APPL1: variants seen among roughly 807,000 people sequenced by gnomAD.
APPL1 encodes DCC-interacting protein 13-alpha.
Under a neutral mutation model 106.8 loss-of-function variants are expected in APPL1, and 42 were observed. That is an observed-to-expected ratio of 0.39 (90% CI 0.31 to 0.51). APPL1 has a LOEUF of 0.51. APPL1 is among the 20% of genes least tolerant of loss of function. APPL1 has a pLI of 0.75. For missense variants in APPL1, 769 were observed against 858.2 expected, an observed-to-expected ratio of 0.90 and a Z score of 1.30; for synonymous variants, 263 against 281.8, an observed-to-expected ratio of 0.93 and a Z score of 0.67.
chr3:57,233,567 T>C (rs574012760), intron 1 of APPL1, among the ~76,000 whole-genome samples: 2 of 152,180 alleles, frequency 1.3e-5, no homozygotes, highest in Non-Finnish European at 2.9e-5. Flanking sequence ...CCTGATGCTT[T>C]CTTTTTTACA....
At chr3:57,247,129 A>G (rs1249846743) in intron 8 of APPL1, among the ~76,000 whole-genome samples, 1 of 152,218 alleles carries the variant, frequency 6.6e-6, no homozygotes. Context: ...TTATTTTCCA[A>G]TTTTAAAAGA....
intron 19 of APPL1, among the ~76,000 whole-genome samples, chr3:57,267,119 A>T (rs143004327): frequency 1.9e-3 from 297 of 152,314 alleles, no homozygotes; most frequent in African/African-American, 6.8e-3. Context: ...TATTTTAACT[A>T]TATTATTCTG....
chr3:57,236,710 C>A (rs1010342402), intron 2 of APPL1, among the ~76,000 whole-genome samples: 2 of 152,148 alleles, frequency 1.3e-5, no homozygotes. Context: ...TTAGATGTAC[C>A]TCTGGAGTAC....
intron 1 of APPL1, among the ~76,000 whole-genome samples, chr3:57,230,405 A>C (rs1029215252): frequency 5.3e-5 from 8 of 152,250 alleles, no homozygotes; most frequent in Non-Finnish European, 1.0e-4. Context: ...GTTACCCAGC[A>C]AAACCTTATT....
At position 57,237,538 on chromosome 3, in the gene APPL1, A is replaced by C. The variant is rs141978531; in HGVS notation, c.200A>C (p.Glu67Ala). 5.0e-6 allele frequency: 8 copies of C among 1,598,680 alleles called. No individual in the cohort carries two copies. Among genetic ancestry groups the C allele is most frequent in the African/African-American group, 1.3e-5 (1 of 74,602 alleles). The stretch of plus-strand genomic sequence containing the variant: ...CACCTGACCTCAAAACTTTTAAAAG[A>C]ATATGAAAAACAGGTATTGTATATC... ...ATHLTSKLLK[E>A]YEKQRFPLGG... Residue 67 changes from glutamate to alanine, a missense_variant, in exon 3 of 22, where the codon GAA becomes GCA. Transcript: ENST00000288266.
At chr3:57,241,722 C>G (rs1579385669) in intron 5 of APPL1, among the ~76,000 whole-genome samples, 1 of 152,112 alleles carries the variant, frequency 6.6e-6, no homozygotes. Flanking sequence ...TGTAAGGGGA[C>G]TGAATGGCAT....
chr3:57,261,173 A>G (rs917414022), intron 19 of APPL1, among the ~76,000 whole-genome samples: 4 of 151,858 alleles, frequency 2.6e-5, no homozygotes, highest in African/African-American at 7.3e-5. Context: ...CACGTGATCA[A>G]TTTTTTGGCT....
At chr3:57,232,630 T>C (rs2060692997) in intron 1 of APPL1, among the ~76,000 whole-genome samples, 1 of 152,174 alleles carries the variant, frequency 6.6e-6, no homozygotes, top group Non-Finnish European at 1.5e-5. Context: ...GGAGTACTTC[T>C]AAGAAATACT....
chr3:57,230,418 C>A (rs987905233), intron 1 of APPL1, among the ~76,000 whole-genome samples: 1 of 152,052 alleles, frequency 6.6e-6, no homozygotes, highest in African/African-American at 2.4e-5. Context: ...ACCTTATTAA[C>A]AGTTTGCTTT....
At chr3:57,253,539 C>G (rs903354619) in intron 12 of APPL1, 143 bp from the exon 13 acceptor site, 1 of 490,978 alleles carries the variant, frequency 2.0e-6, no homozygotes, top group Admixed American at 5.1e-5. Flanking sequence ...AATGAAACAT[C>G]TGTTATGAAA....
rs2060659203 is a variant in APPL1, at chr3:57,227,786, C to A, written c.-98C>A. ...CGGGCGGGGACGGCTGCAGCCCTTG[C>A]CGGAGAGGGCGGGCCGGGGTCAGCT... On this transcript the variant is annotated 5_prime_UTR_variant, in exon 1 of 22. Transcript: ENST00000288266. The A allele has an allele frequency of 6.3e-6, 7 of 1,104,386 alleles. No homozygotes were observed. Among genetic ancestry groups the A allele is most frequent in the Non-Finnish European group, 7.2e-6 (6 of 830,566 alleles). 68.4% of individuals were successfully genotyped at this position (1,104,386 alleles called of 1,614,324 possible).
At chr3:57,247,651 C>T (rs2060782107) in intron 9 of APPL1, among the ~76,000 whole-genome samples, 174 bp downstream of exon 9, 1 of 151,948 alleles carries the variant, frequency 6.6e-6, no homozygotes, top group African/African-American at 2.4e-5. Context: ...CTTTTTTCCA[C>T]AGATTGTGAA....
chr3:57,240,454 T>C lies in APPL1; in HGVS notation c.286-11T>C, dbSNP rs942133966. 5.6e-6 allele frequency: 9 copies of C among 1,612,894 alleles called. No individual in the cohort carries two copies. The East Asian group carries it at 1.8e-4, about 32-fold the overall frequency. On this transcript the variant is annotated splice_polypyrimidine_tract_variant and intron_variant, in intron 4 of 21. Coordinates refer to ENST00000288266, the MANE Select transcript of APPL1 (RefSeq NM_012096.3). The stretch of plus-strand genomic sequence containing the variant: ...ATAGTTATTTGGCCTTTTTGGTCTT[T>C]CTTTTTCTAGCTTAGCTCTTGTCAT...
chr3:57,270,522 A>C lies in APPL1; in HGVS notation c.*835A>C, dbSNP rs9830276. ...TAAAGATACTGCTATGGAATGATAC[A>C]TTGTATTTTCTGCATTGTGTGAAAT... On this transcript the variant is annotated 3_prime_UTR_variant, in exon 22 of 22. Transcript: ENST00000288266. 6.6e-6 allele frequency: 1 copy of C among 152,624 alleles called. No individual in the cohort carries two copies. The highest frequency in any genetic ancestry group is 1.5e-5 in the Non-Finnish European group (1 of 68,026). 9.5% of individuals were successfully genotyped at this position (152,624 alleles called of 1,614,324 possible). A position where few individuals can be genotyped will look rare whatever the true frequency, so the allele number is the denominator to read the frequency against.
intron 19 of APPL1, among the ~76,000 whole-genome samples, chr3:57,264,582 T>A (rs376631428): frequency 3.3e-5 from 5 of 149,956 alleles, no homozygotes; most frequent in Non-Finnish European, 5.9e-5. Flanking sequence ...ATAAAAAAAA[T>A]AAAAAAAAAT....
chr3:57,242,891 T>C lies in APPL1; in HGVS notation c.451T>C (p.Ser151Pro), dbSNP rs1288678230. ...DAAINRYSRL[S>P]KKRENDKVKY... ...TGCGATTAATAGATATAGCCGTTTATCAAAAAAAAGAGAAAATGACAAGGT... is the reference window on the plus strand; with the variant it reads ...TGCGATTAATAGATATAGCCGTTTACCAAAAAAAAGAGAAAATGACAAGGT... Residue 151 changes from serine to proline, a missense_variant, in exon 7 of 22, where the codon TCA (serine) becomes CCA (proline). By Grantham distance (74) the Ser-to-Pro change is moderately conservative. Transcript: ENST00000288266. 6.2e-7 allele frequency: 1 copy of C among 1,611,786 alleles called. No individual in the cohort carries two copies. The highest frequency in any genetic ancestry group is 8.5e-7 in the Non-Finnish European group (1 of 1,178,610).
intron 7 of APPL1, among the ~76,000 whole-genome samples, chr3:57,245,569 GTCTC>G (rs574369480): frequency 6.7e-6 from 1 of 148,682 alleles, no homozygotes; most frequent in Admixed American, 6.7e-5. Context: ...TTTTGAGACA[GTCTC>G]TCTCTGTCAC....
At chr3:57,227,972 G>T (rs2060661529) in intron 1 of APPL1, 35 bp downstream of exon 1, 2 of 1,403,636 alleles carry the variant, frequency 1.4e-6, no homozygotes, top group Non-Finnish European at 1.9e-6. Flanking sequence ...ACGAGGGAGA[G>T]CCCAGCTGGC....
At position 57,272,555 on chromosome 3, in the gene APPL1, C is replaced by CT. The variant is rs2060949744; in HGVS notation, c.*2868_*2869insT. 1 of 151,996 alleles carries CT rather than the reference C, an allele frequency of 6.6e-6. No individual in the cohort carries two copies. Among genetic ancestry groups the CT allele is most frequent in the Admixed American group, 6.6e-5 (1 of 15,254 alleles). 9.4% of individuals were successfully genotyped at this position (151,996 alleles called of 1,614,324 possible). ...TTGAATCCTATTAATGCTGAGAGAT[C>CT]CTAAGAGCTAGTATGTTGTAAAACC... On this transcript the variant is annotated 3_prime_UTR_variant, in exon 22 of 22. Transcript: ENST00000288266.
Sources: allele counts gnomAD v4.1 joint callset (sites outside exome capture counted in the v4.1 genomes callset), GRCh38; gene constraint gnomAD v4.1.1; transcripts MANE v1.5; gene names NCBI Gene and HGNC (gene_info 2026-07-23, HGNC 2026-07-21).